MLH3: variants seen among roughly 807,000 people sequenced by gnomAD.
The protein encoded by MLH3 is DNA mismatch repair protein Mlh3.
Under a neutral mutation model 122.2 loss-of-function variants are expected in MLH3, and 82 were observed. The observed-to-expected ratio is 0.67, with a 90% CI of 0.56 to 0.81. The LOEUF (loss-of-function observed/expected upper bound fraction) is 0.81. Among genes scored for constraint, MLH3 ranks in the 30% least tolerant of loss-of-function variants. The pLI, the probability that MLH3 is intolerant of heterozygous loss-of-function variation, is 0.00. For synonymous variants in MLH3, 524 were observed against 599.5 expected, an observed-to-expected ratio of 0.87 and a Z score of 1.84; for missense variants, 1,539 against 1,714.5, an observed-to-expected ratio of 0.90 and a Z score of 1.81.
In MLH3 at chr14:75,033,439, C is replaced by T. The variant is rs1288614526; in HGVS notation, c.3695G>A (p.Arg1232His). Residue 1232 changes from arginine to histidine, a missense_variant, in exon 7 of 13, where the codon CGT (arginine) becomes CAT (histidine). Arg to His is a conservative substitution (Grantham distance 29). Transcript: ENST00000355774. Reference protein sequence around the residue: ...VDQHAAHERIRLEQLIIDSYE... With the variant: ...VDQHAAHERIHLEQLIIDSYE... ...CTTACCAATGATAAGCTGCTCCAGA[C>T]GTATACGCTCATGGGCAGCGTGCTG... 3.1e-6 allele frequency: 5 copies of T among 1,614,008 alleles called. No homozygotes were observed. The highest frequency in any genetic ancestry group is 1.7e-5 in the Admixed American group (1 of 60,000).
intron 7 of MLH3, 129 bp from the exon 8 acceptor site, chr14:75,032,308 T>C (rs1270446304): frequency 2.9e-6 from 2 of 695,826 alleles, no homozygotes; most frequent in Non-Finnish European, 5.2e-6. Flanking sequence ...GTTTTAGATT[T>C]TGGATTTCCA....
intron 2 of MLH3, among the ~76,000 whole-genome samples, chr14:75,045,398 G>A (rs1892140238): frequency 6.6e-6 from 1 of 152,158 alleles, no homozygotes; most frequent in Non-Finnish European, 1.5e-5. Context: ...ACATCAAGGA[G>A]ATTTTACCAT....
intron 6 of MLH3, among the ~76,000 whole-genome samples, chr14:75,035,195 A>G (rs539991901): frequency 3.5e-4 from 54 of 152,170 alleles, no homozygotes; most frequent in African/African-American, 1.3e-3. Flanking sequence ...TCTGATCTCA[A>G]AAACAACAAA....
Position 75,047,885 on chromosome 14 carries a change from C to T in MLH3, c.1771G>A (p.Gly591Arg), listed in dbSNP as rs2139576381. ...CCATAACTAAAAACATTTCTTCTTC[C>T]ACAATTGCTAGATTCTTTTTTTTTC... ...KEKKKESSNC[G>R]RRNVFSYGRV... Residue 591 changes from glycine to arginine, a missense_variant, in exon 2 of 13, where the codon GGA becomes AGA. By Grantham distance (125) the Gly-to-Arg change is moderately radical. Coordinates refer to ENST00000355774, the MANE Select transcript of MLH3 (RefSeq NM_001040108.2). 1.2e-6 allele frequency: 2 copies of T among 1,613,340 alleles called. No homozygotes were observed. Among genetic ancestry groups the T allele is most frequent in the Non-Finnish European group, 1.7e-6 (2 of 1,179,824 alleles).
rs1383325998 is a variant in MLH3, at chr14:75,014,598, T to C, written c.*2484A>G. 1 of 203,906 alleles carries C rather than the reference T, an allele frequency of 4.9e-6. No homozygotes were observed. The highest frequency in any genetic ancestry group is 1.0e-5 in the Non-Finnish European group (1 of 99,450). The allele number at this position is 203,906 out of a possible 1,614,324, so 12.6% of individuals were successfully genotyped here. ...CCTTGTCTTTCTCAGTGACTAAAGC[T>C]AAGCCTCTTGAAGGTAGAGACAGCC... On this transcript the variant is annotated 3_prime_UTR_variant, in exon 13 of 13. Coordinates refer to ENST00000355774, the MANE Select transcript of MLH3 (RefSeq NM_001040108.2).
intron 8 of MLH3, among the ~76,000 whole-genome samples, chr14:75,031,551 G>A (rs1429719062): frequency 6.6e-6 from 1 of 152,226 alleles, no homozygotes; most frequent in Non-Finnish European, 1.5e-5. Context: ...AGTGGCTCAC[G>A]CCTGTAATCC....
At chr14:75,038,480 G>A in intron 5 of MLH3, 68 bp from the exon 6 acceptor site, 1 of 993,022 alleles carries the variant, frequency 1.0e-6, no homozygotes, top group Non-Finnish European at 1.6e-6. Flanking sequence ...TGCATAGAAA[G>A]ATACAGAACT....
intron 9 of MLH3, among the ~76,000 whole-genome samples, chr14:75,026,304 G>A (rs1890624930): frequency 6.6e-6 from 1 of 152,106 alleles, no homozygotes; most frequent in African/African-American, 2.4e-5. Flanking sequence ...GGAAGAGTGA[G>A]ATTTGGGGAA....
chr14:75,026,783 G>A (rs1890653226), intron 9 of MLH3, among the ~76,000 whole-genome samples: 1 of 152,202 alleles, frequency 6.6e-6, no homozygotes, highest in African/African-American at 2.4e-5. Flanking sequence ...TAATTGGATT[G>A]ACTAAGGACT....
chr14:75,044,924 T>A (rs1892107980), intron 2 of MLH3, among the ~76,000 whole-genome samples: 1 of 152,216 alleles, frequency 6.6e-6, no homozygotes, highest in African/African-American at 2.4e-5. Flanking sequence ...ATCAGCTTTA[T>A]CACCTCCCAA....
rs1198072360 is a variant in MLH3, at chr14:75,041,683, C to G, written c.3397G>C (p.Val1133Leu). 1.9e-6 allele frequency: 3 copies of G among 1,613,614 alleles called. No homozygotes were observed. Among genetic ancestry groups the G allele is most frequent in the Non-Finnish European group, 1.7e-6 (2 of 1,179,646 alleles). ...QDNRDTVDDT[V>L]SSESLQSLFS... Reference sequence around the variant, plus strand: ...AAAGACTGAAGCGATTCGCTACTAACAGTATCATCCACAGTATCTAGGGCA... The same window carrying G: ...AAAGACTGAAGCGATTCGCTACTAAGAGTATCATCCACAGTATCTAGGGCA... Residue 1133 changes from valine (V) to leucine (L), a missense_variant, in exon 4 of 13, where the codon GTT becomes CTT. Physicochemically the swap from Val to Leu is conservative, Grantham distance 32. Transcript: ENST00000355774.
chr14:75,043,190 CA>C (rs1235962551), intron 2 of MLH3, among the ~76,000 whole-genome samples: 3 of 152,166 alleles, frequency 2.0e-5, no homozygotes, highest in Non-Finnish European at 4.4e-5. Flanking sequence ...ACAAACCTTA[CA>C]ACAAAAAATT....
chr14:75,036,744 TA>T (rs750607492), intron 6 of MLH3: 2 of 456,180 alleles, frequency 4.4e-6, no homozygotes, highest in South Asian at 3.1e-5. Flanking sequence ...TCAACTCAGC[TA>T]TGGAGGCCAG....
At chr14:75,027,963 T>G (rs1890768634) in intron 9 of MLH3, among the ~76,000 whole-genome samples, 1 of 151,148 alleles carries the variant, frequency 6.6e-6, no homozygotes, top group African/African-American at 2.4e-5. Context: ...ATGCTAAAAG[T>G]TAAGGCTAAT....
intron 9 of MLH3, among the ~76,000 whole-genome samples, chr14:75,025,383 T>C (rs1241608059): frequency 6.6e-6 from 1 of 152,242 alleles, no homozygotes; most frequent in Non-Finnish European, 1.5e-5. Flanking sequence ...CGTTTCAGGC[T>C]CTACTTCATA....
intron 11 of MLH3, among the ~76,000 whole-genome samples, chr14:75,022,298 C>A (rs546097887): frequency 6.6e-6 from 1 of 152,118 alleles, no homozygotes; most frequent in African/African-American, 2.4e-5. Context: ...TGCACATGTA[C>A]CCCCTGAACC....
At chr14:75,024,179 A>AT (rs1358914671) in intron 9 of MLH3, among the ~76,000 whole-genome samples, 3 of 152,048 alleles carry the variant, frequency 2.0e-5, no homozygotes, top group Non-Finnish European at 4.4e-5. Context: ...TTTTTATTTT[A>AT]TTTTTTATTT....
chr14:75,032,805 C>T (rs973671663), intron 7 of MLH3, among the ~76,000 whole-genome samples: 1 of 149,198 alleles, frequency 6.7e-6, no homozygotes, highest in African/African-American at 2.5e-5. Context: ...GGTGAACACA[C>T]TGCCTCATGA....
intron 12 of MLH3, among the ~76,000 whole-genome samples, chr14:75,017,491 A>C (rs1382499337): frequency 1.3e-5 from 2 of 152,140 alleles, no homozygotes; most frequent in African/African-American, 4.8e-5. Flanking sequence ...TGGTGAGCCA[A>C]GATCATGCCA....
Sources: allele counts gnomAD v4.1 joint callset (sites outside exome capture counted in the v4.1 genomes callset), GRCh38; gene constraint gnomAD v4.1.1; transcripts MANE v1.5; gene names NCBI Gene and HGNC (gene_info 2026-07-23, HGNC 2026-07-21).